Variants in SDK1 observed in about 807,000 individuals in gnomAD.
SDK1 encodes protein sidekick-1.
A neutral mutation model predicts 245.5 loss-of-function variants in SDK1; 157 were observed. That is an observed-to-expected ratio of 0.64 (90% CI 0.56 to 0.73). The LOEUF is 0.73. Ranked by LOEUF, SDK1 falls within the 30% of genes least tolerant of loss-of-function variation. The probability of loss-of-function intolerance (pLI) is 0.00; values close to 1 mark genes in which losing one functional copy is unlikely to be tolerated. For missense variants in SDK1, 3,583 were observed against 3,002.3 expected, an observed-to-expected ratio of 1.19 and a Z score of -4.52; for synonymous variants, 1,647 against 1,278.5, an observed-to-expected ratio of 1.29 and a Z score of -6.15.
chr7:4,089,887 C>T (rs770632042), intron 22 of SDK1, among the ~76,000 whole-genome samples: 1 of 152,264 alleles, frequency 6.6e-6, no homozygotes, highest in Non-Finnish European at 1.5e-5. Context: ...AAAGGCTCCA[C>T]TCCAGGACAT....
intron 1 of SDK1, among the ~76,000 whole-genome samples, chr7:3,459,270 C>G (rs73296748): frequency 0.021 from 3,159 of 152,242 alleles, 135 homozygotes; most frequent in African/African-American, 0.073. Context: ...TTATACTCCT[C>G]TTTATGTAAG....
intron 1 of SDK1, among the ~76,000 whole-genome samples, chr7:3,548,009 C>G (rs777160732): frequency 9.9e-5 from 15 of 152,128 alleles, no homozygotes; most frequent in Non-Finnish European, 2.1e-4. Flanking sequence ...TTGATTGTTT[C>G]TAAAGTGCCA....
chr7:3,527,640 T>G (rs1783188683), intron 1 of SDK1, among the ~76,000 whole-genome samples: 1 of 146,656 alleles, frequency 6.8e-6, no homozygotes, highest in African/African-American at 2.5e-5. Context: ...AGGGGGTGAG[T>G]GGTGGGAGGT....
chr7:3,779,297 T>A (rs1308608274), intron 4 of SDK1, among the ~76,000 whole-genome samples: 1 of 152,166 alleles, frequency 6.6e-6, no homozygotes, highest in Non-Finnish European at 1.5e-5. Flanking sequence ...AAAAATGGCC[T>A]GCAATAAATC....
chr7:3,542,788 A>T (rs1246709229), intron 1 of SDK1, among the ~76,000 whole-genome samples: 1 of 152,188 alleles, frequency 6.6e-6, no homozygotes, highest in Admixed American at 6.5e-5. Flanking sequence ...ACAGAGCTCT[A>T]AAAAGGGCTT....
At chr7:4,008,025 A>G (rs1373325132) in intron 14 of SDK1, among the ~76,000 whole-genome samples, 3 of 152,006 alleles carry the variant, frequency 2.0e-5, no homozygotes, top group African/African-American at 7.3e-5. Context: ...AGCTCTTTTC[A>G]TGTTGCAAAA....
intron 4 of SDK1, among the ~76,000 whole-genome samples, chr7:3,780,134 A>G (rs1780688004): frequency 6.6e-6 from 1 of 152,172 alleles, no homozygotes; most frequent in African/African-American, 2.4e-5. Context: ...GCATAATTCA[A>G]TGAAATCTGA....
intron 41 of SDK1, among the ~76,000 whole-genome samples, chr7:4,234,591 C>T (rs945447328): frequency 2.6e-5 from 4 of 152,168 alleles, no homozygotes; most frequent in African/African-American, 9.7e-5. Context: ...GCCGGCAAAG[C>T]TGGTCCCTGG....
At chr7:3,908,883 A>G (rs1037383127) in intron 5 of SDK1, among the ~76,000 whole-genome samples, 2 of 151,558 alleles carry the variant, frequency 1.3e-5, no homozygotes, top group East Asian at 1.9e-4. Flanking sequence ...CACATTAGAA[A>G]GGTATGGGTT....
In SDK1 at chr7:3,659,530, G is replaced by C. The variant is rs536876486; in HGVS notation, c.713+17425G>C. ...AGAGAGCCTGGTGTGTTCCAAGGCC[G>C]AAAGGGGGCCTGTGTGGTACATTCT... On this transcript the variant is annotated intron_variant, in intron 4 of 44. Coordinates refer to ENST00000404826, the MANE Select transcript of SDK1 (RefSeq NM_152744.4). Among the ~76,000 whole-genome samples, 4 of 152,272 alleles carry C rather than the reference G, an allele frequency of 2.6e-5. No homozygotes were observed. The South Asian group carries it at 6.2e-4, about 24-fold the overall frequency.
intron 22 of SDK1, among the ~76,000 whole-genome samples, chr7:4,105,070 C>T (rs558428832): frequency 6.6e-6 from 1 of 152,242 alleles, no homozygotes; most frequent in African/African-American, 2.4e-5. Flanking sequence ...GCAACCTCCA[C>T]CTCCCAAGTT....
rs200712151 is a variant in SDK1 at position 3,649,268 on chromosome 7, C to T, written c.713+7163C>T. On this transcript the variant is annotated intron_variant, in intron 4 of 44. Transcript: ENST00000404826. ...AAGGACAGGTCCTCTGTGGAGGTGA[C>T]ATTTTAAAAAACACCTTATAGAGTT... is the stretch of plus-strand genomic sequence containing the variant. 1.2e-3 allele frequency among the ~76,000 whole-genome samples: 175 copies of T among 152,116 alleles called. 1 individual carries two copies. Among genetic ancestry groups the T allele is most frequent in the African/African-American group, 4.0e-3 (166 of 41,496 alleles).
At chr7:3,548,309 A>G (rs1198398072) in intron 1 of SDK1, among the ~76,000 whole-genome samples, 2 of 152,224 alleles carry the variant, frequency 1.3e-5, no homozygotes, top group Non-Finnish European at 2.9e-5. Context: ...CCCACACTGT[A>G]TACAAAAATT....
At chr7:4,094,067 CT>C (rs893041154) in intron 22 of SDK1, among the ~76,000 whole-genome samples, 2 of 151,792 alleles carry the variant, frequency 1.3e-5, no homozygotes, top group South Asian at 2.1e-4. Flanking sequence ...GTGTTTTTTG[CT>C]TTTTTTGAGA....
chr7:3,827,172 G>A (rs116293167), intron 5 of SDK1, among the ~76,000 whole-genome samples: 1 of 152,062 alleles, frequency 6.6e-6, no homozygotes, highest in Non-Finnish European at 1.5e-5. Flanking sequence ...GAACACATAT[G>A]GGGGAAGCTC....
chr7:3,438,658 G>A (rs1229023123), intron 1 of SDK1, among the ~76,000 whole-genome samples: 3 of 152,056 alleles, frequency 2.0e-5, no homozygotes, highest in Non-Finnish European at 1.5e-5. Flanking sequence ...CTTAGTTGGT[G>A]TGGGACCTCT....
At chr7:3,654,867 A>C (rs990108638) in intron 4 of SDK1, among the ~76,000 whole-genome samples, 2 of 152,206 alleles carry the variant, frequency 1.3e-5, no homozygotes, top group Non-Finnish European at 2.9e-5. Flanking sequence ...ATATCTTGTG[A>C]CAATAATGCA....
rs181306785 is a variant in SDK1 at position 4,112,273 on chromosome 7, G to A, written c.3435-1016G>A. Among the ~76,000 whole-genome samples the A allele has an allele frequency of 3.8e-3, 580 of 152,262 alleles. 16 individuals carry two copies. In the South Asian group the frequency reaches 0.077, roughly 20 times the overall value. ...AGGTCACAGATAGGTGAGAGACAAA[G>A]GGTCCCATTCTTCTGAGTTTCTGAT... On this transcript the variant is annotated intron_variant, in intron 23 of 44. Coordinates refer to ENST00000404826, the MANE Select transcript of SDK1 (RefSeq NM_152744.4).
chr7:3,867,965 G>A (rs1157958456), intron 5 of SDK1, among the ~76,000 whole-genome samples: 1 of 151,838 alleles, frequency 6.6e-6, no homozygotes, highest in Non-Finnish European at 1.5e-5. Context: ...TTCTCGAGAT[G>A]ATCAGACTCC....
Sources: allele counts gnomAD v4.1 joint callset (sites outside exome capture counted in the v4.1 genomes callset), GRCh38; gene constraint gnomAD v4.1.1; transcripts MANE v1.5; gene names NCBI Gene and HGNC (gene_info 2026-07-23, HGNC 2026-07-21).